KATNAL1: variants seen among roughly 807,000 people sequenced by gnomAD.
The protein encoded by KATNAL1 is katanin p60 ATPase-containing subunit A-like 1.
Under a neutral mutation model 55.2 loss-of-function variants are expected in KATNAL1, and 32 were observed. That is an observed-to-expected ratio of 0.58 (90% CI 0.44 to 0.78). KATNAL1 has a LOEUF of 0.78. Among genes scored for constraint, KATNAL1 ranks in the 30% least tolerant of loss-of-function variants. The pLI, the probability that KATNAL1 is intolerant of heterozygous loss-of-function variation, is 0.00. For synonymous variants in KATNAL1, 193 were observed against 193.6 expected (o/e 1.00, Z 0.02); for missense variants, 466 against 600.9 (o/e 0.78, Z 2.35).
intron 2 of KATNAL1, among the ~76,000 whole-genome samples, chr13:30,283,294 A>AAGC: frequency 7.1e-6 from 1 of 140,652 alleles, no homozygotes; most frequent in Non-Finnish European, 1.6e-5. Context: ...AAAAAAAAGG[A>AAGC]ATGAATGAAT....
chr13:30,293,243 T>C (rs1449325493), intron 1 of KATNAL1, among the ~76,000 whole-genome samples: 1 of 152,184 alleles, frequency 6.6e-6, no homozygotes, highest in Non-Finnish European at 1.5e-5. Context: ...TCTGTCCTTT[T>C]GCTCTACTTT....
chr13:30,256,769 G>A (rs1377911617), intron 3 of KATNAL1, among the ~76,000 whole-genome samples: 4 of 152,182 alleles, frequency 2.6e-5, no homozygotes, highest in Non-Finnish European at 5.9e-5. Flanking sequence ...GTTGGAATTA[G>A]ACTACATCGT....
intron 1 of KATNAL1, among the ~76,000 whole-genome samples, chr13:30,290,289 A>AT (rs1027715779): frequency 1.3e-5 from 2 of 152,332 alleles, no homozygotes; most frequent in African/African-American, 4.8e-5. Flanking sequence ...TATCAATAAA[A>AT]TGAATAAACC....
At chr13:30,240,811 G>A (rs1185592212) in intron 5 of KATNAL1, 148 bp downstream of exon 5, 23 of 809,334 alleles carry the variant, frequency 2.8e-5, no homozygotes, top group Non-Finnish European at 4.4e-5. Context: ...GGTTACATTC[G>A]ACAGAACTGT....
intron 3 of KATNAL1, among the ~76,000 whole-genome samples, chr13:30,258,523 T>C (rs557891006): frequency 4.6e-5 from 7 of 152,322 alleles, no homozygotes; most frequent in Non-Finnish European, 1.0e-4. Context: ...GTATTTTACC[T>C]CTCTTAATGG....
chr13:30,306,548 A>G (rs1883189840), intron 1 of KATNAL1, among the ~76,000 whole-genome samples: 1 of 152,214 alleles, frequency 6.6e-6, no homozygotes, highest in Non-Finnish European at 1.5e-5. Flanking sequence ...ATACCACCAT[A>G]TAATCGCAAT....
chr13:30,240,871 ATG>A (rs1338236785), intron 5 of KATNAL1, 86 bp downstream of exon 5: 1 of 1,189,898 alleles, frequency 8.4e-7, no homozygotes, highest in East Asian at 2.4e-5. Context: ...AATCAGATTA[ATG>A]AATAACAAGA....
intron 3 of KATNAL1, among the ~76,000 whole-genome samples, chr13:30,266,502 T>A (rs1346970800): frequency 1.3e-5 from 2 of 152,186 alleles, no homozygotes; most frequent in African/African-American, 4.8e-5. Flanking sequence ...AATATTAAAT[T>A]TCTCCTAAGA....
intron 1 of KATNAL1, among the ~76,000 whole-genome samples, chr13:30,286,705 G>A (rs747489861): frequency 3.6e-4 from 55 of 152,140 alleles, no homozygotes; most frequent in Non-Finnish European, 5.9e-4. Context: ...TACAGATCCC[G>A]GAATGGTAGA....
chr13:30,270,630 T>C (rs1213784296), intron 3 of KATNAL1, among the ~76,000 whole-genome samples: 12 of 151,864 alleles, frequency 7.9e-5, no homozygotes, highest in African/African-American at 2.4e-4. Context: ...CTGTGCTCTC[T>C]GAAACATGTG....
chr13:30,280,568 T>TAAAA (rs1881204856), intron 2 of KATNAL1, among the ~76,000 whole-genome samples: 1 of 152,168 alleles, frequency 6.6e-6, no homozygotes, highest in African/African-American at 2.4e-5. Context: ...TTGTGCTAAA[T>TAAAA]ACTTTTAATA....
intron 9 of KATNAL1, among the ~76,000 whole-genome samples, chr13:30,218,916 T>C (rs535135345): frequency 7.9e-5 from 12 of 152,328 alleles, no homozygotes; most frequent in African/African-American, 2.9e-4. Flanking sequence ...AATTATTTTG[T>C]CTCATTAAAT....
At chr13:30,220,040 C>T (rs1045591742) in intron 9 of KATNAL1, among the ~76,000 whole-genome samples, 52 of 152,146 alleles carry the variant, frequency 3.4e-4, no homozygotes, top group African/African-American at 1.2e-3. Context: ...AATAATGTGA[C>T]TGACAGTTCG....
intron 9 of KATNAL1, among the ~76,000 whole-genome samples, chr13:30,223,221 C>T (rs1447386581): frequency 6.7e-6 from 1 of 150,350 alleles, no homozygotes. Flanking sequence ...GGGCGGATCA[C>T]AAGGTCAGGA....
intron 4 of KATNAL1, among the ~76,000 whole-genome samples, chr13:30,249,010 GA>G (rs1878051792): frequency 6.6e-6 from 1 of 150,780 alleles, no homozygotes; most frequent in Admixed American, 6.6e-5. Flanking sequence ...AGTGAGCCCA[GA>G]TGGTGCCACT....
intron 9 of KATNAL1, among the ~76,000 whole-genome samples, chr13:30,223,049 C>T (rs139668100): frequency 0.011 from 1,606 of 151,672 alleles, 60 homozygotes; most frequent in African/African-American, 0.037. Context: ...AAGCCCAGAT[C>T]GCGCCACTGC....
chr13:30,257,736 C>T (rs189196883), intron 3 of KATNAL1, among the ~76,000 whole-genome samples: 75 of 152,310 alleles, frequency 4.9e-4, no homozygotes, highest in African/African-American at 1.8e-3. Flanking sequence ...CCTTGTTCTG[C>T]CACTGAATAT....
At chr13:30,216,083 G>C (rs1037880674) in intron 9 of KATNAL1, among the ~76,000 whole-genome samples, 2 of 152,168 alleles carry the variant, frequency 1.3e-5, no homozygotes, top group Admixed American at 1.3e-4. Context: ...GTATATATAT[G>C]TGGTAACATG....
intron 9 of KATNAL1, among the ~76,000 whole-genome samples, chr13:30,222,655 G>C (rs1874997437): frequency 6.6e-6 from 1 of 152,184 alleles, no homozygotes; most frequent in Non-Finnish European, 1.5e-5. Context: ...GCATTAAAAT[G>C]AATAGTAAAA....
Sources: allele counts gnomAD v4.1 joint callset (sites outside exome capture counted in the v4.1 genomes callset), GRCh38; gene constraint gnomAD v4.1.1; transcripts MANE v1.5; gene names NCBI Gene and HGNC (gene_info 2026-07-23, HGNC 2026-07-21).